SPRED3: variants seen among roughly 807,000 people sequenced by gnomAD.
SPRED3 encodes the protein sprouty-related, EVH1 domain-containing protein 3.
A neutral mutation model predicts 37.6 loss-of-function variants in SPRED3; 23 were observed. That is an observed-to-expected ratio of 0.61 (90% CI 0.44 to 0.87). The LOEUF (loss-of-function observed/expected upper bound fraction) is 0.87, where lower values mean the gene tolerates loss of function less well. SPRED3 is among the 40% of genes least tolerant of loss of function. The pLI is 0.00. For synonymous variants in SPRED3, 302 were observed against 279.6 expected (o/e 1.08, Z -0.80); for missense variants, 584 against 618.6 (o/e 0.94, Z 0.59).
At chr19:38,390,187 G>A (rs915466483) in intron 1 of SPRED3, 112 bp from the exon 2 acceptor site, 17 of 1,099,122 alleles carry the variant, frequency 1.5e-5, no homozygotes, top group South Asian at 3.9e-5. Context: ...AGTGGACCTG[G>A]ACGTGAGAGA....
chr19:38,394,875 G>A (rs1055260352), intron 5 of SPRED3, 89 bp downstream of exon 5: 29 of 1,422,242 alleles, frequency 2.0e-5, no homozygotes, highest in Non-Finnish European at 2.6e-5. Context: ...GGGGAGGTGG[G>A]GAACACAGAT....
chr19:38,391,913 G>A, intron 2 of SPRED3, 33 bp from the exon 3 acceptor site: 1 of 1,609,460 alleles, frequency 6.2e-7, no homozygotes, highest in Non-Finnish European at 8.5e-7. Context: ...TCTGGGTTGG[G>A]GTATCTGACC....
chr19:38,398,114 G>C lies in SPRED3; in HGVS notation c.*1969G>C, dbSNP rs929573764. 14 of 152,318 alleles carry C rather than the reference G, an allele frequency of 9.2e-5. No homozygotes were observed. Among genetic ancestry groups the C allele is most frequent in the Admixed American group, 8.5e-4 (13 of 15,298 alleles). 9.4% of individuals were successfully genotyped at this position (152,318 alleles called of 1,614,324 possible). A position where few individuals can be genotyped will look rare whatever the true frequency, so the allele number is the denominator to read the frequency against. The stretch of plus-strand genomic sequence containing the variant: ...CTTTCAGGCTAGTTATGGCTCTGCT[G>C]TCCCACAGCCCCCAGTCTTGCAGAC... On this transcript the variant is annotated 3_prime_UTR_variant, in exon 6 of 6. Transcript: ENST00000691638.
At chr19:38,394,281 A>T (rs1238884762) in intron 4 of SPRED3, 1 of 1,403,106 alleles carries the variant, frequency 7.1e-7, no homozygotes, top group East Asian at 4.0e-5. Context: ...AAGCGGGAAG[A>T]CGATTAGATG....
In SPRED3 at chr19:38,394,685, G is replaced by C. The variant is rs376943967; in HGVS notation, c.466G>C (p.Glu156Gln). ...CTCCTCCTCCAGTCACAGCCGCCAG[G>C]AGACTCCTCCCAGCGCCGCTGCGGC... ...SDSSSSHSRQ[E>Q]TPPSAAAAPI... is the part of the protein sequence containing the mutation. Residue 156 changes from glutamate to glutamine, a missense_variant, in exon 5 of 6, where the codon GAG becomes CAG. Coordinates refer to ENST00000691638, the MANE Select transcript of SPRED3 (RefSeq NM_001394336.1). 6 of 1,599,080 alleles carry C rather than the reference G, an allele frequency of 3.8e-6. No individual in the cohort carries two copies. The highest frequency in any genetic ancestry group is 5.1e-6 in the Non-Finnish European group (6 of 1,175,888).
rs761515962 is a variant in SPRED3, at chr19:38,390,393, G to A, written c.91G>A (p.Val31Met). 5.0e-6 allele frequency: 7 copies of A among 1,391,282 alleles called. No homozygotes were observed. The highest frequency in any genetic ancestry group is 3.8e-5 in the South Asian group (2 of 52,202). The allele number at this position is 1,391,282 out of a possible 1,614,324, so 86.2% of individuals were successfully genotyped here. A position where few individuals can be genotyped will look rare whatever the true frequency, so the allele number is the denominator to read the frequency against. Residue 31 changes from valine (V) to methionine (M), a missense_variant, in exon 2 of 6, where the codon GTG (valine) becomes ATG (methionine). This residue lies in a region of SPRED3 where 88 missense variants were observed against 77.0 expected (regional missense o/e 1.14). Coordinates refer to ENST00000691638, the MANE Select transcript of SPRED3 (RefSeq NM_001394336.1). ...GGGCGGGGGCCTCAGCCAGGTGAGC[G>A]TGTGTCGGGTCCGAGGGGCCAGGCC... Reference protein sequence around the residue: ...VGGGGLSQVSVCRVRGARPEG... With the variant: ...VGGGGLSQVSMCRVRGARPEG...
rs765869329 is a variant in SPRED3 at position 38,390,405 on chromosome 19, C to G, written c.103C>G (p.Arg35Gly). The change falls in exon 2 of 6, where the codon CGA (arginine) becomes GGA (glycine). Residue 35 changes from arginine (R) to glycine (G), a missense_variant. This residue lies in a region of SPRED3 where 88 missense variants were observed against 77.0 expected (regional missense o/e 1.14). Coordinates refer to ENST00000691638, the MANE Select transcript of SPRED3 (RefSeq NM_001394336.1). Reference sequence around the variant, plus strand: ...CAGCCAGGTGAGCGTGTGTCGGGTCCGAGGGGCCAGGCCCGAGGGGGGGGC... The same window carrying G: ...CAGCCAGGTGAGCGTGTGTCGGGTCGGAGGGGCCAGGCCCGAGGGGGGGGC... ...GLSQVSVCRV[R>G]GARPEGGARQ... 4 of 1,383,578 alleles carry G rather than the reference C, an allele frequency of 2.9e-6. No individual in the cohort carries two copies. Among genetic ancestry groups the G allele is most frequent in the South Asian group, 4.0e-5 (2 of 50,302 alleles). 85.7% of individuals were successfully genotyped at this position (1,383,578 alleles called of 1,614,324 possible).
chr19:38,392,323 G>A, intron 4 of SPRED3, 35 bp downstream of exon 4: 1 of 1,474,636 alleles, frequency 6.8e-7, no homozygotes. Context: ...CTGGGGGAGG[G>A]TAGGGGTTTT....
intron 4 of SPRED3, 90 bp from the exon 5 acceptor site, chr19:38,394,553 G>A (rs1203281119): frequency 1.3e-5 from 21 of 1,555,746 alleles, no homozygotes; most frequent in Non-Finnish European, 1.8e-5. Context: ...CCTGGCCGCA[G>A]AGCCCTCGCT....
intron 4 of SPRED3, among the ~76,000 whole-genome samples, chr19:38,393,333 A>G (rs1307311003): frequency 2.0e-5 from 3 of 151,344 alleles, no homozygotes; most frequent in Admixed American, 6.6e-5. Flanking sequence ...CCTTTCTGAA[A>G]ATACTATTAT....
At chr19:38,391,911 G>A (rs1406640185) in intron 2 of SPRED3, 35 bp from the exon 3 acceptor site, 16 of 1,608,632 alleles carry the variant, frequency 9.9e-6, no homozygotes, top group Non-Finnish European at 1.4e-5. Flanking sequence ...TGTCTGGGTT[G>A]GGGTATCTGA....
In SPRED3 at chr19:38,396,070, G is replaced by C; in HGVS notation, c.1158G>C (p.Leu386=). 1 of 1,348,206 alleles carries C rather than the reference G, an allele frequency of 7.4e-7. No individual in the cohort carries two copies. The highest frequency in any genetic ancestry group is 9.5e-7 in the Non-Finnish European group (1 of 1,055,094). The allele number at this position is 1,348,206 out of a possible 1,614,324, so 83.5% of individuals were successfully genotyped here. The change falls in exon 6 of 6, where the codon CTG becomes CTC. Residue 386 remains leucine (L), a synonymous_variant. Transcript: ENST00000691638. ...CCTGCCTCTGCTGCTACGCGCCCCT[G>C]CGCGCGTGCCACTGGGTCGCAGCGC... ...AVPCLCCYAP[L]RACHWVAARC...
rs747965300 is a variant in SPRED3, at chr19:38,390,428, G to T, written c.126G>T (p.Gly42=). 17 of 1,404,068 alleles carry T rather than the reference G, an allele frequency of 1.2e-5. No individual in the cohort carries two copies. The Admixed American group carries it at 1.3e-4, about 11-fold the overall frequency. 87.0% of individuals were successfully genotyped at this position (1,404,068 alleles called of 1,614,324 possible). A position where few individuals can be genotyped will look rare whatever the true frequency, so the allele number is the denominator to read the frequency against. ...CRVRGARPEG[G]ARQGHYVIHG... ...TCCGAGGGGCCAGGCCCGAGGGGGG[G>T]GCCCGCCAGGGGCACTACGTCATCC... Residue 42 remains glycine, a synonymous_variant, in exon 2 of 6, where the codon GGG becomes GGT. Transcript: ENST00000691638.
chr19:38,392,318 G>A (rs1176860209), intron 4 of SPRED3, 30 bp downstream of exon 4: 2 of 1,477,964 alleles, frequency 1.4e-6, no homozygotes, highest in South Asian at 1.4e-5. Context: ...CTCTGCTGGG[G>A]GAGGGTAGGG....
rs747762330 is a variant in SPRED3 at position 38,395,638 on chromosome 19, C to T, written c.726C>T (p.Ala242=). The change falls in exon 6 of 6, where the codon GCC becomes GCT. Residue 242 remains alanine, a synonymous_variant. Coordinates refer to ENST00000691638, the MANE Select transcript of SPRED3 (RefSeq NM_001394336.1). This position sits in a 1 kb window ranked among gnomAD's most constrained non-coding sequence, Gnocchi z 5.2. The part of the protein sequence containing the change: ...LALSTCVVRF[A]KTGALRGAAL... ...TGTCCACCTGCGTCGTGCGCTTCGCCAAGACCGGCGCGTTGAGGGGCGCTG... is the reference window on the plus strand; with the variant it reads ...TGTCCACCTGCGTCGTGCGCTTCGCTAAGACCGGCGCGTTGAGGGGCGCTG... 6.2e-5 allele frequency: 96 copies of T among 1,536,856 alleles called. No individual in the cohort carries two copies. The highest frequency in any genetic ancestry group is 7.9e-5 in the Non-Finnish European group (91 of 1,151,416).
At position 38,390,361 on chromosome 19, in the gene SPRED3, C is replaced by T; in HGVS notation, c.59C>T (p.Pro20Leu). The change falls in exon 2 of 6, where the codon CCT becomes CTT. Residue 20 changes from proline (P) to leucine (L), a missense_variant. Physicochemically the swap from Pro to Leu is moderately conservative, Grantham distance 98. Transcript: ENST00000691638. Reference protein sequence around the residue: ...ARDDSSGGWLPVGGGGLSQVS... With the variant: ...ARDDSSGGWLLVGGGGLSQVS... ...GATGACTCCAGTGGGGGCTGGCTGCCTGTGGGGGGCGGGGGCCTCAGCCAG... is the reference window on the plus strand; with the variant it reads ...GATGACTCCAGTGGGGGCTGGCTGCTTGTGGGGGGCGGGGGCCTCAGCCAG... The T allele has an allele frequency of 7.3e-7, 1 of 1,378,950 alleles. No homozygotes were observed. The highest frequency in any genetic ancestry group is 9.4e-7 in the Non-Finnish European group (1 of 1,059,788). 85.4% of individuals were successfully genotyped at this position (1,378,950 alleles called of 1,614,324 possible).
Position 38,392,201 on chromosome 19 carries a change from C to T in SPRED3, c.347-11C>T, listed in dbSNP as rs748808441. On this transcript the variant is annotated splice_polypyrimidine_tract_variant and intron_variant, in intron 3 of 5. Transcript: ENST00000691638. ...CAAGGAACTCACTCTCTGCCTCTCT[C>T]CCTGCCCCAGGCTCACTCACCCCCT... The T allele has an allele frequency of 9.4e-6, 15 of 1,601,390 alleles. No individual in the cohort carries two copies. Among genetic ancestry groups the T allele is most frequent in the Middle Eastern group, 1.8e-4 (1 of 5,690 alleles).
intron 1 of SPRED3, 63 bp from the exon 2 acceptor site, chr19:38,390,236 A>T (rs966565210): frequency 4.6e-5 from 61 of 1,312,364 alleles, no homozygotes; most frequent in Non-Finnish European, 5.9e-5. Context: ...GGAACATTCC[A>T]TGGGAGAGCA....
chr19:38,394,835 G>A (rs1424489858), intron 5 of SPRED3, 49 bp downstream of exon 5: 3 of 1,479,772 alleles, frequency 2.0e-6, no homozygotes, highest in Admixed American at 4.8e-5. Flanking sequence ...CGGTGCACTC[G>A]GGGCCCGAAG....
Sources: allele counts gnomAD v4.1 joint callset (sites outside exome capture counted in the v4.1 genomes callset), GRCh38; gene constraint gnomAD v4.1.1; regional missense constraint gnomAD v4.1.1; non-coding constraint Gnocchi (gnomAD v3.1); transcripts MANE v1.5; gene names NCBI Gene and HGNC (gene_info 2026-07-23, HGNC 2026-07-21).